MCF2: variants seen among roughly 807,000 people sequenced by gnomAD.
MCF2 encodes the protein proto-oncogene DBL.
In MCF2, 44 loss-of-function variants were observed where a neutral mutation model predicts 82.5. The ratio of observed to expected loss-of-function variants is 0.53; its 90% CI spans 0.42 to 0.69. The LOEUF (loss-of-function observed/expected upper bound fraction) is 0.69, where lower values mean the gene tolerates loss of function less well. Ranked by LOEUF, MCF2 falls within the 30% of genes least tolerant of loss-of-function variation. The probability of loss-of-function intolerance (pLI) is 0.00; values close to 1 mark genes in which losing one functional copy is unlikely to be tolerated. For synonymous variants in MCF2, 217 were observed against 224.9 expected (o/e 0.96, Z 0.32); for missense variants, 623 against 663.1 (o/e 0.94, Z 0.66).
At chrX:139,650,881 A>G (rs1000193919) in intron 2 of MCF2, among the ~76,000 whole-genome samples, 1 of 112,134 alleles carries the variant, frequency 8.9e-6, no homozygotes, top group African/African-American at 3.2e-5. Flanking sequence ...ACATGCTACA[A>G]CATCGATGAA....
intron 22 of MCF2, among the ~76,000 whole-genome samples, chrX:139,586,735 G>A (rs1433138270): frequency 9.0e-6 from 1 of 111,166 alleles, no homozygotes; most frequent in Non-Finnish European, 1.9e-5. Context: ...TAGACCCAAA[G>A]TAAGGGTATT....
At chrX:139,674,203 G>A (rs746912272) in intron 1 of MCF2, among the ~76,000 whole-genome samples, 19 of 110,779 alleles carry the variant, frequency 1.7e-4, no homozygotes, top group African/African-American at 5.9e-4. Context: ...TTTATTTTGA[G>A]CCTATGTGTG....
At chrX:139,707,024 C>T (rs148130208) in intron 1 of MCF2, among the ~76,000 whole-genome samples, 2,915 of 110,068 alleles carry the variant, frequency 0.026, 42 homozygotes, top group Middle Eastern at 0.047. Flanking sequence ...TGATCCGATA[C>T]AGGAGCACAG....
At chrX:139,649,148 A>G (rs781775861) in intron 2 of MCF2, among the ~76,000 whole-genome samples, 6 of 112,484 alleles carry the variant, frequency 5.3e-5, no homozygotes, top group Non-Finnish European at 1.1e-4. Context: ...ATTTGCCTCA[A>G]TATTTACCAA....
chrX:139,685,750 C>A (rs1935106704), intron 1 of MCF2, among the ~76,000 whole-genome samples: 1 of 111,499 alleles, frequency 9.0e-6, no homozygotes, highest in Non-Finnish European at 1.9e-5. Flanking sequence ...GGACTCCTCC[C>A]TAATTCATTT....
chrX:139,690,423 C>G (rs1398376167), intron 1 of MCF2, among the ~76,000 whole-genome samples: 2 of 102,387 alleles, frequency 2.0e-5, no homozygotes, highest in East Asian at 6.3e-4. Flanking sequence ...CACTGTACTG[C>G]ACGGAATGTT....
intron 22 of MCF2, 34 bp downstream of exon 26, chrX:139,587,682 C>G: frequency 1.1e-6 from 1 of 920,306 alleles, no homozygotes; most frequent in Non-Finnish European, 1.6e-6. Context: ...CAAAAGATTG[C>G]AGGAGTGGTA....
At chrX:139,664,904 G>C (rs893661320) in intron 1 of MCF2, among the ~76,000 whole-genome samples, 2 of 111,252 alleles carry the variant, frequency 1.8e-5, no homozygotes, top group African/African-American at 6.5e-5. Flanking sequence ...ATCCTACCTG[G>C]ATAGGCTTTT....
intron 1 of MCF2, among the ~76,000 whole-genome samples, chrX:139,674,827 C>A (rs1431499024): frequency 8.9e-6 from 1 of 111,740 alleles, no homozygotes; most frequent in Non-Finnish European, 1.9e-5. Flanking sequence ...TGAGGATTAT[C>A]TTTGTGGTGT....
At chrX:139,701,365 C>T (rs868556171) in intron 1 of MCF2, among the ~76,000 whole-genome samples, 10 of 111,874 alleles carry the variant, frequency 8.9e-5, no homozygotes, top group African/African-American at 2.3e-4. Flanking sequence ...ATCTGGGTGT[C>T]GCTGTAAGGT....
intron 1 of MCF2, among the ~76,000 whole-genome samples, chrX:139,632,858 A>G (rs1280994278): frequency 1.8e-5 from 2 of 112,005 alleles, no homozygotes; most frequent in African/African-American, 6.5e-5. Flanking sequence ...ACACTAAACA[A>G]TGAAAGAAAA....
chrX:139,595,132 C>G (rs1929938783), intron 19 of MCF2, among the ~76,000 whole-genome samples: 1 of 108,986 alleles, frequency 9.2e-6, no homozygotes. Flanking sequence ...GTTAGTGGGA[C>G]TGTAAACTAG....
chrX:139,595,662 G>T (rs895005455), intron 19 of MCF2, among the ~76,000 whole-genome samples: 1 of 107,109 alleles, frequency 9.3e-6, no homozygotes, highest in African/African-American at 3.4e-5. Context: ...CACCAGCGTG[G>T]CACATGTATA....
intron 6 of MCF2, among the ~76,000 whole-genome samples, chrX:139,621,489 A>G (rs917643319): frequency 9.0e-6 from 1 of 111,581 alleles, no homozygotes; most frequent in African/African-American, 3.3e-5. Flanking sequence ...AAGGAACTTA[A>G]ACAATTCAAC....
chrX:139,677,325 C>T (rs1934891886), intron 1 of MCF2, among the ~76,000 whole-genome samples: 1 of 111,408 alleles, frequency 9.0e-6, no homozygotes, highest in Non-Finnish European at 1.9e-5. Flanking sequence ...AAACCATACA[C>T]TTGATCTCTC....
intron 22 of MCF2, 27 bp from the exon 27 acceptor site, chrX:139,586,514 T>A (rs1402547418): frequency 9.8e-7 from 1 of 1,018,398 alleles, no homozygotes; most frequent in Non-Finnish European, 1.4e-6. Flanking sequence ...TAAAACTAAG[T>A]GAGCTTTTGT....
intron 1 of MCF2, among the ~76,000 whole-genome samples, chrX:139,697,003 T>G (rs187528144): frequency 1.4e-4 from 16 of 112,319 alleles, no homozygotes; most frequent in Non-Finnish European, 2.4e-4. Context: ...GCCTGCCTAG[T>G]TGGCATCTAT....
At position 139,593,407 on chromosome X, in the gene MCF2, C is replaced by A. The variant is rs1378374896; in HGVS notation, c.2277+3142G>T. 2.7e-5 allele frequency among the ~76,000 whole-genome samples: 3 copies of A among 110,795 alleles called. No individual in the cohort carries two copies. In the Admixed American group the frequency reaches 2.9e-4, roughly 11 times the overall value. The stretch of plus-strand genomic sequence containing the variant: ...GGGCAATAATCAATAGCTTACCAAC[C>A]AAAAAGAGCCCAGGACCAGATGGAT... On this transcript the variant is annotated intron_variant, in intron 19 of 24. Transcript: ENST00000370576.
chrX:139,669,543 G>A (rs777579549), intron 1 of MCF2, among the ~76,000 whole-genome samples: 4 of 112,170 alleles, frequency 3.6e-5, no homozygotes, highest in Non-Finnish European at 3.8e-5. Context: ...TCTACCTCTA[G>A]ATATACAGCA....
Sources: gnomAD v4.1 joint callset for allele counts (sites outside exome capture counted in the v4.1 genomes callset) on GRCh38, gnomAD v4.1.1 for gene constraint, MANE v1.5 for transcripts, NCBI Gene and HGNC (gene_info 2026-07-23, HGNC 2026-07-21) for gene names.